Variants in CHD5 observed in about 807,000 individuals in gnomAD.
The protein encoded by CHD5 is chromodomain helicase DNA binding protein 5, also known as ATP-dependent chromatin remodeler CHD5.
Under a neutral mutation model 230.3 loss-of-function variants are expected in CHD5, and 69 were observed. That is an observed-to-expected ratio of 0.30 (90% CI 0.25 to 0.37). CHD5 has a LOEUF of 0.37. CHD5 is among the 10% of genes least tolerant of loss of function. The probability of loss-of-function intolerance (pLI) is 1.00; values close to 1 mark genes in which losing one functional copy is unlikely to be tolerated. For missense variants in CHD5, 1,827 were observed against 2,622.8 expected (o/e 0.70, Z 6.63); for synonymous variants, 1,064 against 1,065.9 (o/e 1.00, Z 0.03).
Position 6,125,612 on chromosome 1 carries a change from C to A in CHD5, c.4172G>T (p.Ser1391Ile). Residue 1391 changes from serine to isoleucine, a missense_variant and splice_region_variant, in exon 28 of 42, where the codon AGT (serine) becomes ATT (isoleucine). Ser to Ile is a moderately radical substitution (Grantham distance 142, BLOSUM62 -2). Transcript: ENST00000262450. The surrounding 1 kb of genome is among the most constrained non-coding windows in gnomAD (Gnocchi z 6.7). ...CTGCCTCCGGGATTGTCGTCGTCCA[C>A]CTGGGGAGCAGCCCGCCACAGTTCC... The part of the protein sequence containing the change: ...EDFEERPEGQ[S>I]GRRQSRRQLK... 1 of 1,611,622 alleles carries A rather than the reference C, an allele frequency of 6.2e-7. No individual in the cohort carries two copies. The highest frequency in any genetic ancestry group is 1.1e-5 in the South Asian group (1 of 90,846).
At chr1:6,151,562 TACATC>T (rs1667008234) in intron 6 of CHD5, among the ~76,000 whole-genome samples, 1 of 152,208 alleles carries the variant, frequency 6.6e-6, no homozygotes, top group African/African-American at 2.4e-5. Context: ...GTCTGACTGG[TACATC>T]ACGGGCTCTC....
Position 6,155,808 on chromosome 1 carries a change from CA to C in CHD5, c.388-92del. 2 of 965,976 alleles carry C rather than the reference CA, an allele frequency of 2.1e-6. No individual in the cohort carries two copies. The highest frequency in any genetic ancestry group is 3.3e-6 in the Non-Finnish European group (2 of 614,108). 59.8% of individuals were successfully genotyped at this position (965,976 alleles called of 1,614,324 possible). The stretch of plus-strand genomic sequence containing the variant: ...GGTCTCTGCCTAGGAGGCTTTGGCA[CA>C]GGGGAAAGAGGAGGGGTTGTGTCTG... On this transcript the variant is annotated intron_variant, in intron 3 of 41. Coordinates refer to ENST00000262450, the MANE Select transcript of CHD5 (RefSeq NM_015557.3). This position sits in a 1 kb window ranked among gnomAD's most constrained non-coding sequence, Gnocchi z 4.0.
chr1:6,117,477 T>TA (rs1666395815), intron 33 of CHD5, among the ~76,000 whole-genome samples: 1 of 152,178 alleles, frequency 6.6e-6, no homozygotes, highest in Admixed American at 6.5e-5. Context: ...CTCAAAAGTC[T>TA]AATACTAGAG....
At chr1:6,163,427 A>T (rs1006152315) in intron 2 of CHD5, among the ~76,000 whole-genome samples, 21 of 151,868 alleles carry the variant, frequency 1.4e-4, no homozygotes, top group Non-Finnish European at 4.4e-5. Context: ...TATCACCTGA[A>T]CCCTCCTCCC....
At chr1:6,157,978 A>G (rs985297589) in intron 3 of CHD5, among the ~76,000 whole-genome samples, 3 of 152,192 alleles carry the variant, frequency 2.0e-5, no homozygotes, top group Non-Finnish European at 4.4e-5. Flanking sequence ...ATTCACATTC[A>G]TGATTTCTGC....
chr1:6,111,848 C>A lies in CHD5; in HGVS notation c.5176G>T (p.Ala1726Ser). ...HTLWQNEERAAVSSGKIYDIW... is the reference protein window; with the variant it reads ...HTLWQNEERASVSSGKIYDIW... ...TCGTAGATTTTCCCAGAGGATACAG[C>A]AGCCCGCTCCTCGTTCTGCCACAGC... The change falls in exon 36 of 42, where the codon GCT (alanine) becomes TCT (serine). Residue 1726 changes from alanine (A) to serine (S), a missense_variant. By Grantham distance (99) the Ala-to-Ser change is moderately conservative (BLOSUM62 1). This residue lies in a region of CHD5 where 272 missense variants were observed against 263.2 expected (regional missense o/e 1.03). Transcript: ENST00000262450. 2 of 1,613,344 alleles carry A rather than the reference C, an allele frequency of 1.2e-6. No homozygotes were observed. The highest frequency in any genetic ancestry group is 1.7e-6 in the Non-Finnish European group (2 of 1,180,026).
In CHD5 at chr1:6,128,728, A is replaced by C; in HGVS notation, c.3619+110T>G. 1 of 1,262,452 alleles carries C rather than the reference A, an allele frequency of 7.9e-7. No individual in the cohort carries two copies. Among genetic ancestry groups the C allele is most frequent in the Non-Finnish European group, 1.1e-6 (1 of 882,296 alleles). 78.2% of individuals were successfully genotyped at this position (1,262,452 alleles called of 1,614,324 possible). ...GCCAGGAGATACAGGTGGGGGGTGC[A>C]GAAGAGAGGCTGTGTGTTGGAGCGG... is the stretch of plus-strand genomic sequence containing the variant. On this transcript the variant is annotated intron_variant, in intron 23 of 41. Transcript: ENST00000262450. The surrounding 1 kb of genome is among the most constrained non-coding windows in gnomAD (Gnocchi z 7.8).
At chr1:6,152,054 C>T (rs1302500583) in intron 6 of CHD5, among the ~76,000 whole-genome samples, 5 of 151,962 alleles carry the variant, frequency 3.3e-5, no homozygotes, top group Non-Finnish European at 1.5e-5. Flanking sequence ...GGGTGCTGGG[C>T]GGCCAGGCCC....
rs1667061619 is a variant in CHD5, at chr1:6,155,119, TTCCTGTCCACACCCAC to T, written c.507-237_507-222del. ...ACAGCCCACCCCCAAAACACCCAGC[TTCCTGTCCACACCCAC>T]AGCCCACCCCCAAAACACCCAGCTT... On this transcript the variant is annotated intron_variant, in intron 4 of 41. Transcript: ENST00000262450. This position sits in a 1 kb window ranked among gnomAD's most constrained non-coding sequence, Gnocchi z 4.0. 9.9e-6 allele frequency among the ~76,000 whole-genome samples: 1 copy of T among 101,392 alleles called. No individual in the cohort carries two copies. The highest frequency in any genetic ancestry group is 1.9e-5 in the Non-Finnish European group (1 of 51,784). The allele number at this position is 101,392 out of a possible 152,430, so 66.5% of individuals were successfully genotyped here. A position where few individuals can be genotyped will look rare whatever the true frequency, so the allele number is the denominator to read the frequency against.
Position 6,121,346 on chromosome 1 carries a change from C to A in CHD5, c.4780-109G>T. The A allele has an allele frequency of 6.6e-7, 1 of 1,519,514 alleles. No individual in the cohort carries two copies. Among genetic ancestry groups the A allele is most frequent in the Non-Finnish European group, 9.0e-7 (1 of 1,114,146 alleles). The allele number at this position is 1,519,514 out of a possible 1,614,324, so 94.1% of individuals were successfully genotyped here. A position where few individuals can be genotyped will look rare whatever the true frequency, so the allele number is the denominator to read the frequency against. On this transcript the variant is annotated intron_variant, in intron 32 of 41. Coordinates refer to ENST00000262450, the MANE Select transcript of CHD5 (RefSeq NM_015557.3). The surrounding 1 kb of genome is among the most constrained non-coding windows in gnomAD (Gnocchi z 4.5). ...CCAGTCTCCTGGCTCCCGTCGCTTG[C>A]TCCTAGCCTGCTCCCCGCCGATTCA...
chr1:6,149,485 G>A, intron 7 of CHD5, 73 bp from the exon 8 acceptor site: 2 of 1,467,006 alleles, frequency 1.4e-6, no homozygotes, highest in East Asian at 4.7e-5. Flanking sequence ...CATCGCCCCA[G>A]GCCAGACAGG....
At chr1:6,124,377 G>T in intron 30 of CHD5, 140 bp downstream of exon 30, 1 of 989,890 alleles carries the variant, frequency 1.0e-6, no homozygotes, top group Non-Finnish European at 1.5e-6. Context: ...TTCCAGGTCA[G>T]TCCCTCTGGA....
At chr1:6,145,899 C>T (rs1168134142) in intron 11 of CHD5, among the ~76,000 whole-genome samples, 4 of 152,226 alleles carry the variant, frequency 2.6e-5, no homozygotes, top group Non-Finnish European at 5.9e-5. Flanking sequence ...CCTCGGGCGT[C>T]CCTCGTCCTC....
intron 33 of CHD5, among the ~76,000 whole-genome samples, chr1:6,115,026 G>C (rs935114199): frequency 6.6e-4 from 87 of 131,854 alleles, no homozygotes; most frequent in Non-Finnish European, 9.2e-4. Flanking sequence ...AAAAAAAAAA[G>C]GGGGGGGCAG....
At chr1:6,113,185 A>G in intron 33 of CHD5, 187 bp from the exon 34 acceptor site, 1 of 575,926 alleles carries the variant, frequency 1.7e-6, no homozygotes, top group South Asian at 2.0e-5. Context: ...GTATTTTGGG[A>G]GGCCGAGGCA....
At chr1:6,150,699 G>A (rs1457709214) in intron 7 of CHD5, among the ~76,000 whole-genome samples, 1 of 152,146 alleles carries the variant, frequency 6.6e-6, no homozygotes, top group East Asian at 1.9e-4. Flanking sequence ...GGGGGTGACT[G>A]AAGGGAGGAT....
chr1:6,175,400 T>TGACG (rs147626596), intron 1 of CHD5, among the ~76,000 whole-genome samples: 10,495 of 140,194 alleles, frequency 0.075, 1,357 homozygotes, highest in African/African-American at 0.29. Context: ...CATGGATGGA[T>TGACG]GGTGGATAGA....
intron 25 of CHD5, among the ~76,000 whole-genome samples, chr1:6,127,554 G>A (rs1158154246): frequency 6.6e-6 from 1 of 152,144 alleles, no homozygotes; most frequent in East Asian, 1.9e-4. Context: ...GGGCCGAGAT[G>A]CAGGCCCTGA....
intron 36 of CHD5, 69 bp from the exon 37 acceptor site, chr1:6,110,595 AG>A: frequency 1.8e-6 from 1 of 569,726 alleles, no homozygotes; most frequent in Non-Finnish European, 2.8e-6. Flanking sequence ...GAGGCAGCTC[AG>A]GGAGGGGGAG....
Sources: gnomAD v4.1 joint callset for allele counts (sites outside exome capture counted in the v4.1 genomes callset) on GRCh38, gnomAD v4.1.1 for gene constraint, gnomAD v4.1.1 regional missense constraint, Gnocchi (gnomAD v3.1) non-coding constraint, MANE v1.5 for transcripts, NCBI Gene and HGNC (gene_info 2026-07-23, HGNC 2026-07-21) for gene names.